The following TMEM132C variants were observed in gnomAD, a reference collection of about 807,000 sequenced individuals.
The protein encoded by TMEM132C is transmembrane protein 132C.
A neutral mutation model predicts 61.4 loss-of-function variants in TMEM132C; 29 were observed. That is an observed-to-expected ratio of 0.47 (90% CI 0.35 to 0.64). The LOEUF is 0.64. TMEM132C is among the 30% of genes least tolerant of loss of function. The pLI is 0.00. For missense variants in TMEM132C, 1,408 were observed against 1,476.9 expected (o/e 0.95, Z 0.76); for synonymous variants, 656 against 633.1 (o/e 1.04, Z -0.54).
chr12:128,599,991 T>G (rs924781813), intron 3 of TMEM132C, among the ~76,000 whole-genome samples: 1 of 152,106 alleles, frequency 6.6e-6, no homozygotes, highest in East Asian at 1.9e-4. Context: ...TTTTTTGTTT[T>G]TGTGTTTTTT....
chr12:128,289,898 C>A (rs1871199803), intron 1 of TMEM132C, among the ~76,000 whole-genome samples: 1 of 152,136 alleles, frequency 6.6e-6, no homozygotes, highest in South Asian at 2.1e-4. Flanking sequence ...TATGTTTCAC[C>A]TCAAATTATC....
At chr12:128,281,392 T>C (rs1870891803) in intron 1 of TMEM132C, among the ~76,000 whole-genome samples, 1 of 152,172 alleles carries the variant, frequency 6.6e-6, no homozygotes, top group Non-Finnish European at 1.5e-5. Context: ...TATACTGGCC[T>C]GAATCAAATC....
chr12:128,537,696 A>G (rs1873583565), intron 2 of TMEM132C, among the ~76,000 whole-genome samples: 1 of 152,224 alleles, frequency 6.6e-6, no homozygotes, highest in South Asian at 2.1e-4. Flanking sequence ...TTGAAGGAAC[A>G]ATGCCACATC....
intron 1 of TMEM132C, among the ~76,000 whole-genome samples, chr12:128,352,289 G>A (rs182377326): frequency 4.6e-5 from 7 of 152,248 alleles, no homozygotes; most frequent in South Asian, 2.1e-4. Context: ...TTCACATGGC[G>A]GCAGGAAGGA....
chr12:128,555,015 C>T (rs368554293), intron 3 of TMEM132C, among the ~76,000 whole-genome samples: 3 of 152,132 alleles, frequency 2.0e-5, no homozygotes, highest in East Asian at 1.9e-4. Context: ...TCTTCCCCCT[C>T]CCTGGAACAG....
chr12:128,404,541 G>A (rs1875272801), intron 1 of TMEM132C: 1 of 152,278 alleles, frequency 6.6e-6, no homozygotes, highest in African/African-American at 2.4e-5. Flanking sequence ...TGAGCGTTGT[G>A]ATGAAGGCAG....
At chr12:128,294,919 C>G (rs976494921) in intron 1 of TMEM132C, among the ~76,000 whole-genome samples, 1 of 148,676 alleles carries the variant, frequency 6.7e-6, no homozygotes. Flanking sequence ...TTTAATGCCT[C>G]CATTTTCCTC....
In TMEM132C at chr12:128,529,983, T is replaced by C. The variant is rs147164069; in HGVS notation, c.975-13974T>C. Among the ~76,000 whole-genome samples, 1,208 of 152,118 alleles carry C rather than the reference T, an allele frequency of 7.9e-3. 14 individuals carry two copies. The highest frequency in any genetic ancestry group is 0.027 in the African/African-American group (1,128 of 41,498). On this transcript the variant is annotated intron_variant, in intron 2 of 8. Coordinates refer to ENST00000435159, the MANE Select transcript of TMEM132C (RefSeq NM_001136103.3). Reference sequence around the variant, plus strand: ...TGATATTTTAATAATTCTCCCCTCCTACCCTTCAATCTGGTATTTGGCTAA... The same window carrying C: ...TGATATTTTAATAATTCTCCCCTCCCACCCTTCAATCTGGTATTTGGCTAA...
intron 2 of TMEM132C, among the ~76,000 whole-genome samples, chr12:128,498,387 T>C (rs1341082662): frequency 6.6e-6 from 1 of 152,040 alleles, no homozygotes; most frequent in Non-Finnish European, 1.5e-5. Context: ...AAAAAAAACC[T>C]TAAGAAGGCT....
chr12:128,622,360 A>AAATATATATAT (rs1277080166), intron 4 of TMEM132C, among the ~76,000 whole-genome samples: 1 of 30,112 alleles, frequency 3.3e-5, no homozygotes, highest in African/African-American at 1.7e-4. Context: ...AAAAAAAAAA[A>AAATATATATAT]ATATATATAT....
In TMEM132C at chr12:128,705,320, C is replaced by T. The variant is rs1339372524; in HGVS notation, c.2352C>T (p.Arg784=). Residue 784 remains arginine, a synonymous_variant, in exon 9 of 9, where the codon CGC becomes CGT. Coordinates refer to ENST00000435159, the MANE Select transcript of TMEM132C (RefSeq NM_001136103.3). ...CCGAGGCCTGCCAGAAATCTAAACGCAAGAGCATCCTGGCTGTGGGCGTCG... is the reference window on the plus strand; with the variant it reads ...CCGAGGCCTGCCAGAAATCTAAACGTAAGAGCATCCTGGCTGTGGGCGTCG... ...TIAEACQKSK[R]KSILAVGVGN... is the part of the protein sequence containing the mutation. 6.4e-7 allele frequency: 1 copy of T among 1,551,404 alleles called. No homozygotes were observed. The highest frequency in any genetic ancestry group is 2.0e-5 in the Admixed American group (1 of 50,994).
intron 1 of TMEM132C, among the ~76,000 whole-genome samples, chr12:128,398,665 T>C (rs1363900623): frequency 6.6e-6 from 1 of 152,236 alleles, no homozygotes; most frequent in Non-Finnish European, 1.5e-5. Flanking sequence ...CTTGGCTGAA[T>C]TACTCAATCT....
At chr12:128,480,862 A>G (rs1370060759) in intron 2 of TMEM132C, among the ~76,000 whole-genome samples, 1 of 152,122 alleles carries the variant, frequency 6.6e-6, no homozygotes, top group Non-Finnish European at 1.5e-5. Context: ...CCAGCCCATC[A>G]TTCACCAAAA....
At chr12:128,547,505 A>G (rs1362024453) in intron 3 of TMEM132C, among the ~76,000 whole-genome samples, 1 of 150,026 alleles carries the variant, frequency 6.7e-6, no homozygotes, top group African/African-American at 2.5e-5. Flanking sequence ...CGGAGCTTGC[A>G]GTGAGCTCAG....
chr12:128,622,028 A>T (rs904314177), intron 4 of TMEM132C, among the ~76,000 whole-genome samples: 10 of 152,012 alleles, frequency 6.6e-5, no homozygotes, highest in African/African-American at 2.4e-4. Context: ...TTGGCTGAGA[A>T]CACACCATTA....
At chr12:128,327,326 G>A (rs1194892719) in intron 1 of TMEM132C, among the ~76,000 whole-genome samples, 1 of 150,076 alleles carries the variant, frequency 6.7e-6, no homozygotes, top group Admixed American at 6.6e-5. Flanking sequence ...AGGAGATCCT[G>A]AGAACGTGTG....
At chr12:128,650,262 T>C (rs1017728302) in intron 4 of TMEM132C, among the ~76,000 whole-genome samples, 1 of 152,138 alleles carries the variant, frequency 6.6e-6, no homozygotes, top group Non-Finnish European at 1.5e-5. Flanking sequence ...CCTGGACCCT[T>C]GTAGGTCATT....
rs1020315394 is a variant in TMEM132C, at chr12:128,327,358, C to CTTGG, written c.85+59874_85+59877dup. ...TGTGCCCCAGGTGCCCGGGGCGCAG[C>CTTGG]TTGGTTTGTTTGTTTGTTTGTTTGT... is the stretch of plus-strand genomic sequence containing the variant. On this transcript the variant is annotated intron_variant, in intron 1 of 8. Transcript: ENST00000435159. 2.8e-5 allele frequency among the ~76,000 whole-genome samples: 4 copies of CTTGG among 141,806 alleles called. 1 individual carries two copies. The highest frequency in any genetic ancestry group is 1.2e-4 in the African/African-American group (4 of 32,658). The allele number at this position is 141,806 out of a possible 152,430, so 93.0% of individuals were successfully genotyped here.
intron 8 of TMEM132C, among the ~76,000 whole-genome samples, chr12:128,699,173 A>G (rs1593153262): frequency 6.6e-6 from 1 of 152,186 alleles, no homozygotes; most frequent in East Asian, 1.9e-4. Flanking sequence ...AGTGGGGTCT[A>G]TGAAGAGCTA....
Sources: allele counts gnomAD v4.1 joint callset (sites outside exome capture counted in the v4.1 genomes callset), GRCh38; gene constraint gnomAD v4.1.1; transcripts MANE v1.5; gene names NCBI Gene and HGNC (gene_info 2026-07-23, HGNC 2026-07-21).